The following ART4 variants were observed in gnomAD, a reference collection of about 807,000 sequenced individuals.
ART4 encodes ADP-ribosyltransferase 4 (inactive) (Dombrock blood group).
ART4 carries 14 observed loss-of-function variants against 24.2 expected under a neutral mutation model. The observed-to-expected ratio is 0.58, with a 90% CI of 0.38 to 0.90. The LOEUF (loss-of-function observed/expected upper bound fraction) is 0.90. Ranked by LOEUF, ART4 falls within the 40% of genes least tolerant of loss-of-function variation. ART4 has a pLI of 0.00. For missense variants in ART4, 356 were observed against 366.6 expected (o/e 0.97, Z 0.24); for synonymous variants, 145 against 139.9 (o/e 1.04, Z -0.26).
Position 14,831,181 on chromosome 12 carries a change from A to G in ART4, c.854-1719T>C, listed in dbSNP as rs1425942133. On this transcript the variant is annotated intron_variant, in intron 2 of 2. Transcript: ENST00000228936. ...TCAACCATATTTATGGTAGTGAATC[A>G]CTCCATCCTCCTTGATACTTACTCT... Among the ~76,000 whole-genome samples, 5 of 150,956 alleles carry G rather than the reference A, an allele frequency of 3.3e-5. No individual in the cohort carries two copies. The East Asian group carries it at 5.8e-4, about 18-fold the overall frequency.
At chr12:14,834,216 T>C (rs936976066) in intron 2 of ART4, among the ~76,000 whole-genome samples, 1 of 152,220 alleles carries the variant, frequency 6.6e-6, no homozygotes, top group African/African-American at 2.4e-5. Context: ...CCGTGTGGTC[T>C]CCCAGATTTA....
At position 14,840,464 on chromosome 12, in the gene ART4, A is replaced by G; in HGVS notation, c.834T>C (p.Tyr278=). ...QLRSTGNLST[Y]NCQLLKASSK... is the part of the protein sequence containing the mutation. The stretch of plus-strand genomic sequence containing the variant: ...GAATACCTTTTAGCAGCTGACAGTT[A>G]TATGTGCTCAGGTTCCCAGTTGACC... Residue 278 remains tyrosine (Y), a synonymous_variant, in exon 2 of 3, where the codon TAT becomes TAC. Transcript: ENST00000228936. 1.2e-6 allele frequency: 2 copies of G among 1,611,856 alleles called. No homozygotes were observed. The highest frequency in any genetic ancestry group is 2.2e-5 in the South Asian group (2 of 90,550).
chr12:14,829,990 T>C (rs933615056), intron 2 of ART4, among the ~76,000 whole-genome samples: 4 of 152,188 alleles, frequency 2.6e-5, no homozygotes, highest in African/African-American at 9.7e-5. Context: ...ATAGGCACCA[T>C]TCAAACTTGG....
At chr12:14,833,854 A>G (rs2137299841) in intron 2 of ART4, among the ~76,000 whole-genome samples, 1 of 152,318 alleles carries the variant, frequency 6.6e-6, no homozygotes, top group East Asian at 1.9e-4. Context: ...AAGAGTGTTA[A>G]TATTGTAGAA....
Position 14,840,439 on chromosome 12 carries a change from G to C in ART4, c.853+6C>G, listed in dbSNP as rs375025612. 5 of 1,591,478 alleles carry C rather than the reference G, an allele frequency of 3.1e-6. No individual in the cohort carries two copies. The highest frequency in any genetic ancestry group is 2.7e-5 in the African/African-American group (2 of 73,742). ...CCTGAGTGGCCTCAATTTAGATAAA[G>C]AATACCTTTTAGCAGCTGACAGTTA... is the stretch of plus-strand genomic sequence containing the variant. On this transcript the variant is annotated splice_donor_region_variant and intron_variant, in intron 2 of 2. Coordinates refer to ENST00000228936, the MANE Select transcript of ART4 (RefSeq NM_021071.4).
At chr12:14,835,185 A>C (rs1227089784) in intron 2 of ART4, among the ~76,000 whole-genome samples, 1 of 152,236 alleles carries the variant, frequency 6.6e-6, no homozygotes, top group Non-Finnish European at 1.5e-5. Context: ...CTCATGAAAC[A>C]AAACGAAGCT....
chr12:14,842,402 T>G (rs1231424950), intron 1 of ART4, among the ~76,000 whole-genome samples: 1 of 152,190 alleles, frequency 6.6e-6, no homozygotes, highest in Non-Finnish European at 1.5e-5. Context: ...TAAGACTGAT[T>G]AAATGATTTT....
chr12:14,834,605 G>T (rs571099957), intron 2 of ART4, among the ~76,000 whole-genome samples: 1 of 152,264 alleles, frequency 6.6e-6, no homozygotes, highest in African/African-American at 2.4e-5. Context: ...ATAAATCCCT[G>T]TTCTTTGTGA....
chr12:14,830,142 G>GTGTGTGTC (rs1210198686), intron 2 of ART4, among the ~76,000 whole-genome samples: 1 of 151,774 alleles, frequency 6.6e-6, no homozygotes, highest in African/African-American at 2.4e-5. Flanking sequence ...GTGTGTGTGT[G>GTGTGTGTC]TGTGTGTGTG....
chr12:14,842,270 A>G (rs1863062900), intron 1 of ART4, among the ~76,000 whole-genome samples: 1 of 152,232 alleles, frequency 6.6e-6, no homozygotes, highest in South Asian at 2.1e-4. Context: ...AAAGGATCAC[A>G]TTCCATCCAG....
At position 14,826,435 on chromosome 12, in the gene ART4, T is replaced by A. The variant is rs1950360417; in HGVS notation, c.*2936A>T. 6.6e-6 allele frequency: 1 copy of A among 152,224 alleles called. No homozygotes were observed. The highest frequency in any genetic ancestry group is 2.1e-4 in the South Asian group (1 of 4,836). The allele number at this position is 152,224 out of a possible 1,614,324, so 9.4% of individuals were successfully genotyped here. A position where few individuals can be genotyped will look rare whatever the true frequency, so the allele number is the denominator to read the frequency against. On this transcript the variant is annotated 3_prime_UTR_variant, in exon 3 of 3. Transcript: ENST00000228936. ...AATGTTGGTGTATAGCAGAATCATC[T>A]AGAGGACTTATTAAAACAGACTGTT...
chr12:14,837,554 C>G (rs1203171158), intron 2 of ART4, among the ~76,000 whole-genome samples: 3 of 152,146 alleles, frequency 2.0e-5, no homozygotes, highest in Non-Finnish European at 4.4e-5. Context: ...CACTCTATCG[C>G]CCAGGCTGGA....
At chr12:14,830,486 A>G (rs1308549291) in intron 2 of ART4, among the ~76,000 whole-genome samples, 2 of 144,102 alleles carry the variant, frequency 1.4e-5, no homozygotes, top group Non-Finnish European at 3.0e-5. Flanking sequence ...CATTTCTACT[A>G]TTTTCACACA....
rs1460473674 is a variant in ART4 at position 14,841,034 on chromosome 12, T to C, written c.264A>G (p.Glu88=). The change falls in exon 2 of 3, where the codon GAA becomes GAG. Residue 88 remains glutamate, a synonymous_variant. Coordinates refer to ENST00000228936, the MANE Select transcript of ART4 (RefSeq NM_021071.4). ...ACATCCTAAAATAATTCTTCTGGGC[T>C]TCTATGTCTTTTGTGAAATAATCCC... ...TQGDYFTKDI[E]AQKNYFRMWQ... 3.1e-6 allele frequency: 5 copies of C among 1,614,252 alleles called. No individual in the cohort carries two copies. In the East Asian group the frequency reaches 1.1e-4, roughly 36 times the overall value.
intron 1 of ART4, 99 bp from the exon 2 acceptor site, chr12:14,841,252 A>G: frequency 9.1e-7 from 1 of 1,103,422 alleles, no homozygotes; most frequent in Non-Finnish European, 1.3e-6. Flanking sequence ...TTCTCCTGGA[A>G]ACCAATATTT....
rs1484230828 is a variant in ART4, at chr12:14,828,581, T to C, written c.*790A>G. The C allele has an allele frequency of 6.6e-6, 1 of 151,384 alleles. No homozygotes were observed. The highest frequency in any genetic ancestry group is 2.4e-5 in the African/African-American group (1 of 41,026). The allele number at this position is 151,384 out of a possible 1,614,324, so 9.4% of individuals were successfully genotyped here. On this transcript the variant is annotated 3_prime_UTR_variant, in exon 3 of 3. Coordinates refer to ENST00000228936, the MANE Select transcript of ART4 (RefSeq NM_021071.4). ...GAAGAATTTGTCCTTTGCTTTCTAATTTAATCTTCTTTGATTTGTTCCTAT... is the reference window on the plus strand; with the variant it reads ...GAAGAATTTGTCCTTTGCTTTCTAACTTAATCTTCTTTGATTTGTTCCTAT...
intron 1 of ART4, among the ~76,000 whole-genome samples, chr12:14,842,097 C>A (rs1404165781): frequency 6.6e-6 from 1 of 152,198 alleles, no homozygotes; most frequent in Non-Finnish European, 1.5e-5. Flanking sequence ...TTATTCACGT[C>A]TAGTGCATGC....
chr12:14,829,160 A>G lies in ART4; in HGVS notation c.*211T>C. The G allele has an allele frequency of 2.7e-6, 1 of 365,470 alleles. No individual in the cohort carries two copies. The highest frequency in any genetic ancestry group is 4.8e-6 in the Non-Finnish European group (1 of 208,472). The allele number at this position is 365,470 out of a possible 1,614,324, so 22.6% of individuals were successfully genotyped here. A position where few individuals can be genotyped will look rare whatever the true frequency, so the allele number is the denominator to read the frequency against. On this transcript the variant is annotated 3_prime_UTR_variant, in exon 3 of 3. Coordinates refer to ENST00000228936, the MANE Select transcript of ART4 (RefSeq NM_021071.4). ...CTAGCTGGGCAGAGTGATTTCCCCA[A>G]GAGTACTTAGGGTGCCCAGATTGAA... is the stretch of plus-strand genomic sequence containing the variant.
chr12:14,828,568 C>T lies in ART4; in HGVS notation c.*803G>A, dbSNP rs1950373596. 6.6e-6 allele frequency: 1 copy of T among 151,928 alleles called. No homozygotes were observed. The highest frequency in any genetic ancestry group is 1.5e-5 in the Non-Finnish European group (1 of 68,008). 9.4% of individuals were successfully genotyped at this position (151,928 alleles called of 1,614,324 possible). On this transcript the variant is annotated 3_prime_UTR_variant, in exon 3 of 3. Coordinates refer to ENST00000228936, the MANE Select transcript of ART4 (RefSeq NM_021071.4). ...TTTTCTGTTTGGTGAAGAATTTGTC[C>T]TTTGCTTTCTAATTTAATCTTCTTT...
Sources: allele counts gnomAD v4.1 joint callset (sites outside exome capture counted in the v4.1 genomes callset), GRCh38; gene constraint gnomAD v4.1.1; transcripts MANE v1.5; gene names NCBI Gene and HGNC (gene_info 2026-07-23, HGNC 2026-07-21).